The following MIPOL1 variants were observed in gnomAD, a reference collection of about 807,000 sequenced individuals.
The protein encoded by MIPOL1 is mirror-image polydactyly gene 1 protein.
Under a neutral mutation model 60.9 loss-of-function variants are expected in MIPOL1, and 57 were observed. The ratio of observed to expected loss-of-function variants is 0.94; its 90% CI spans 0.76 to 1.17. The LOEUF (loss-of-function observed/expected upper bound fraction) is 1.17, where lower values mean the gene tolerates loss of function less well. Among genes scored for constraint, MIPOL1 ranks in the 50% most tolerant of loss-of-function variants. The pLI, the probability that MIPOL1 is intolerant of heterozygous loss-of-function variation, is 0.00. For synonymous variants in MIPOL1, 179 were observed against 168.8 expected, an observed-to-expected ratio of 1.06 and a Z score of -0.47; for missense variants, 551 against 511.6, an observed-to-expected ratio of 1.08 and a Z score of -0.74.
chr14:37,487,028 A>G (rs1280500639), intron 11 of MIPOL1, among the ~76,000 whole-genome samples: 1 of 152,056 alleles, frequency 6.6e-6, no homozygotes, highest in Non-Finnish European at 1.5e-5. Flanking sequence ...TAGTTTATTG[A>G]GAGTTTTTAG....
At chr14:37,536,088 G>A (rs945630225) in intron 12 of MIPOL1, among the ~76,000 whole-genome samples, 22 of 152,082 alleles carry the variant, frequency 1.4e-4, no homozygotes, top group Admixed American at 5.9e-4. Flanking sequence ...TTTACATAGC[G>A]AAATAGTTTG....
At chr14:37,229,996 T>C (rs369604430) in intron 1 of MIPOL1, among the ~76,000 whole-genome samples, 1 of 152,166 alleles carries the variant, frequency 6.6e-6, no homozygotes, top group African/African-American at 2.4e-5. Context: ...AAGAGAGCTA[T>C]TGTAAAACAT....
At chr14:37,511,338 G>T (rs888715125) in intron 12 of MIPOL1, among the ~76,000 whole-genome samples, 1 of 152,150 alleles carries the variant, frequency 6.6e-6, no homozygotes, top group African/African-American at 2.4e-5. Flanking sequence ...GTAGTTTGTG[G>T]ATGAATAGCC....
At chr14:37,329,063 A>G (rs111845746) in intron 9 of MIPOL1, among the ~76,000 whole-genome samples, 1 of 151,892 alleles carries the variant, frequency 6.6e-6, no homozygotes, top group Non-Finnish European at 1.5e-5. Flanking sequence ...GTTTTTTTTT[A>G]TTATACTTTA....
chr14:37,391,117 T>C (rs1406119048), intron 10 of MIPOL1, among the ~76,000 whole-genome samples: 1 of 152,110 alleles, frequency 6.6e-6, no homozygotes, highest in East Asian at 1.9e-4. Context: ...TAGAATAACA[T>C]TGTTAAAGCT....
At chr14:37,353,330 T>TG (rs2091549279) in intron 9 of MIPOL1, among the ~76,000 whole-genome samples, 1 of 42,012 alleles carries the variant, frequency 2.4e-5, no homozygotes, top group Non-Finnish European at 4.5e-5. Flanking sequence ...GAGGATTTTT[T>TG]CATCAATGTT....
chr14:37,495,207 G>T (rs1481657712), intron 11 of MIPOL1, among the ~76,000 whole-genome samples: 1 of 146,630 alleles, frequency 6.8e-6, no homozygotes, highest in Admixed American at 6.9e-5. Context: ...GTATACATGT[G>T]CCATGCTGGT....
intron 11 of MIPOL1, among the ~76,000 whole-genome samples, chr14:37,433,720 T>C (rs569441896): frequency 3.3e-5 from 5 of 152,202 alleles, no homozygotes; most frequent in African/African-American, 1.2e-4. Context: ...CATGCCCGGC[T>C]AATTTTTGTA....
chr14:37,446,944 G>C, intron 11 of MIPOL1, among the ~76,000 whole-genome samples: 1 of 151,774 alleles, frequency 6.6e-6, no homozygotes, highest in South Asian at 2.1e-4. Context: ...GGAGTGGGGA[G>C]GGATAGCATT....
rs555946647 is a variant in MIPOL1 at position 37,544,213 on chromosome 14, C to T, written c.1263-2692C>T. 4.6e-5 allele frequency among the ~76,000 whole-genome samples: 7 copies of T among 152,206 alleles called. No homozygotes were observed. The East Asian group carries it at 1.4e-3, about 29-fold the overall frequency. ...AATACATCAACATTAAAAATACCAA[C>T]AAAACAACAACCATAGTGATAAAAG... On this transcript the variant is annotated intron_variant, in intron 12 of 12. Transcript: ENST00000684589.
chr14:37,256,561 TAAAAA>T (rs559850840), intron 3 of MIPOL1, among the ~76,000 whole-genome samples: 2 of 151,912 alleles, frequency 1.3e-5, no homozygotes, highest in Non-Finnish European at 2.9e-5. Flanking sequence ...AGTTTAAAGT[TAAAAA>T]AAGTAATGAT....
intron 9 of MIPOL1, among the ~76,000 whole-genome samples, chr14:37,362,879 C>T (rs1265976864): frequency 6.6e-6 from 1 of 152,166 alleles, no homozygotes; most frequent in Non-Finnish European, 1.5e-5. Context: ...CACTGATACC[C>T]TTTCTTCCAC....
intron 11 of MIPOL1, among the ~76,000 whole-genome samples, chr14:37,423,245 A>G (rs2093907011): frequency 6.6e-6 from 1 of 151,240 alleles, no homozygotes; most frequent in Admixed American, 6.6e-5. Context: ...CCATCTAAAT[A>G]TCACCTCTAA....
intron 1 of MIPOL1, among the ~76,000 whole-genome samples, chr14:37,199,335 A>G (rs1183297039): frequency 1.3e-5 from 2 of 152,286 alleles, no homozygotes; most frequent in South Asian, 2.1e-4. Context: ...CTTTATATAA[A>G]TGGAGTAATA....
chr14:37,417,814 TATTAA>T (rs1268282492), intron 10 of MIPOL1, among the ~76,000 whole-genome samples: 1 of 152,192 alleles, frequency 6.6e-6, no homozygotes, highest in Admixed American at 6.5e-5. Context: ...CTATCACACA[TATTAA>T]ATTATACCAT....
intron 7 of MIPOL1, among the ~76,000 whole-genome samples, chr14:37,295,220 G>A (rs902019131): frequency 6.6e-6 from 1 of 152,118 alleles, no homozygotes; most frequent in Non-Finnish European, 1.5e-5. Flanking sequence ...CATAAGTGAA[G>A]GAGAAATAAA....
chr14:37,524,374 A>G (rs537291983), intron 12 of MIPOL1, among the ~76,000 whole-genome samples: 1 of 152,064 alleles, frequency 6.6e-6, no homozygotes, highest in Non-Finnish European at 1.5e-5. Flanking sequence ...TGTTGAGGAG[A>G]GTTCCCAGAT....
chr14:37,545,839 G>A (rs1051454863), intron 12 of MIPOL1: 1 of 426,872 alleles, frequency 2.3e-6, no homozygotes, highest in African/African-American at 2.0e-5. Flanking sequence ...TATTTGCAGA[G>A]GACCCTCATG....
At chr14:37,370,750 A>G (rs1011474595) in intron 10 of MIPOL1, among the ~76,000 whole-genome samples, 7 of 152,194 alleles carry the variant, frequency 4.6e-5, no homozygotes, top group African/African-American at 1.7e-4. Context: ...CTTTAGATAG[A>G]TGAAAACAAT....
Sources: gnomAD v4.1 joint callset for allele counts (sites outside exome capture counted in the v4.1 genomes callset) on GRCh38, gnomAD v4.1.1 for gene constraint, MANE v1.5 for transcripts, NCBI Gene and HGNC (gene_info 2026-07-23, HGNC 2026-07-21) for gene names.